Variants in XPO5 observed in about 807,000 individuals in gnomAD.
XPO5 encodes exportin 5, also known as exportin-5.
In XPO5, 46 loss-of-function variants were observed where a neutral mutation model predicts 160.6. The observed-to-expected ratio is 0.29, with a 90% confidence interval of 0.23 to 0.37. The LOEUF is 0.37. Ranked by LOEUF, XPO5 falls within the 10% of genes least tolerant of loss-of-function variation. The pLI, the probability that XPO5 is intolerant of heterozygous loss-of-function variation, is 1.00. For synonymous variants in XPO5, 537 were observed against 519.3 expected, an observed-to-expected ratio of 1.03 and a Z score of -0.46; for missense variants, 1,090 against 1,463.9, an observed-to-expected ratio of 0.74 and a Z score of 4.17.
At chr6:43,539,354 C>G in intron 20 of XPO5, 1 of 1,580,616 alleles carries the variant, frequency 6.3e-7, no homozygotes, top group Non-Finnish European at 8.6e-7. Flanking sequence ...CTGGCCAGCA[C>G]GGGTCTGCTT....
At chr6:43,536,346 C>G (rs112201187) in intron 20 of XPO5, among the ~76,000 whole-genome samples, 1 of 151,524 alleles carries the variant, frequency 6.6e-6, no homozygotes, top group Non-Finnish European at 1.5e-5. Context: ...ACCCAGGAGG[C>G]GGAAATTGCA....
chr6:43,563,946 G>T (rs1297574511), intron 8 of XPO5, among the ~76,000 whole-genome samples: 2 of 152,088 alleles, frequency 1.3e-5, no homozygotes, highest in African/African-American at 4.8e-5. Flanking sequence ...ATTTAGAGAT[G>T]GAGTCTCACT....
intron 13 of XPO5, chr6:43,553,717 G>A: frequency 1.0e-6 from 1 of 992,964 alleles, no homozygotes; most frequent in South Asian, 2.6e-5. Context: ...TTCCTACCAT[G>A]CCTCCTCCTC....
intron 13 of XPO5, 109 bp downstream of exon 13, chr6:43,555,727 T>C (rs1358091962): frequency 7.7e-7 from 1 of 1,298,744 alleles, no homozygotes; most frequent in East Asian, 2.5e-5. Flanking sequence ...TATTTTTGAA[T>C]AGTATAAGTA....
intron 14 of XPO5, among the ~76,000 whole-genome samples, chr6:43,552,649 G>C (rs765079392): frequency 3.3e-5 from 5 of 152,118 alleles, no homozygotes; most frequent in Non-Finnish European, 5.9e-5. Flanking sequence ...TACTGCGCCC[G>C]GCTTATCAGC....
At chr6:43,526,495 G>A (rs926316295) in intron 27 of XPO5, 190 bp downstream of exon 27, 2 of 618,258 alleles carry the variant, frequency 3.2e-6, no homozygotes, top group Non-Finnish European at 5.8e-6. Context: ...TGAGACAGAG[G>A]AAACAGCAAG....
At chr6:43,534,386 A>T (rs901598473) in intron 20 of XPO5, among the ~76,000 whole-genome samples, 1 of 152,198 alleles carries the variant, frequency 6.6e-6, no homozygotes, top group Non-Finnish European at 1.5e-5. Flanking sequence ...AACACAGAGG[A>T]GGTGGTAATT....
chr6:43,538,654 T>A (rs1429845086), intron 20 of XPO5, among the ~76,000 whole-genome samples: 3 of 152,200 alleles, frequency 2.0e-5, no homozygotes, highest in Non-Finnish European at 4.4e-5. Flanking sequence ...GGGATTTTCG[T>A]CTCTATGTTT....
intron 5 of XPO5, 128 bp from the exon 6 acceptor site, chr6:43,568,865 T>C (rs1414733944): frequency 2.6e-6 from 2 of 783,138 alleles, no homozygotes; most frequent in African/African-American, 1.8e-5. Flanking sequence ...TCTTGGAAAA[T>C]AACACAACTT....
At position 43,575,642 on chromosome 6, in the gene XPO5, G is replaced by C. The variant is rs75734196; in HGVS notation, c.105+118C>G. The C allele has an allele frequency of 5.2e-5, 46 of 883,474 alleles. No homozygotes were observed. In the East Asian group the frequency reaches 1.2e-3, roughly 23 times the overall value. The allele number at this position is 883,474 out of a possible 1,614,324, so 54.7% of individuals were successfully genotyped here. On this transcript the variant is annotated intron_variant, in intron 1 of 31. Coordinates refer to ENST00000265351, the MANE Select transcript of XPO5 (RefSeq NM_020750.3). ...GCGAGGGGAAGGTCCCGGGGAGTTGGGAAAGGAGGTCCAGGGGCCGCGTGG... is the reference window on the plus strand; with the variant it reads ...GCGAGGGGAAGGTCCCGGGGAGTTGCGAAAGGAGGTCCAGGGGCCGCGTGG...
chr6:43,540,746 G>C (rs1236517430), intron 20 of XPO5, among the ~76,000 whole-genome samples: 1 of 152,190 alleles, frequency 6.6e-6, no homozygotes. Context: ...CCAAAGTGCT[G>C]AGATTACAGG....
rs1762274180 is a variant in XPO5, at chr6:43,559,216, G to C, written c.1222-625C>G. Reference sequence around the variant, plus strand: ...GGAGGCTGAGGCAGGAGAATTGCTTGAACCCAGGAGGCAGAGGTTGCAGTG... The same window carrying C: ...GGAGGCTGAGGCAGGAGAATTGCTTCAACCCAGGAGGCAGAGGTTGCAGTG... On this transcript the variant is annotated intron_variant, in intron 11 of 31. Coordinates refer to ENST00000265351, the MANE Select transcript of XPO5 (RefSeq NM_020750.3). Among the ~76,000 whole-genome samples the C allele has an allele frequency of 2.0e-5, 3 of 152,188 alleles. No homozygotes were observed. The South Asian group carries it at 6.2e-4, about 31-fold the overall frequency.
At chr6:43,543,763 A>C (rs1794826893) in intron 20 of XPO5, among the ~76,000 whole-genome samples, 1 of 151,174 alleles carries the variant, frequency 6.6e-6, no homozygotes, top group Non-Finnish European at 1.5e-5. Context: ...TGCAACCTCC[A>C]CCTCCCAGGT....
chr6:43,562,593 A>C (rs1181923666), intron 8 of XPO5, among the ~76,000 whole-genome samples: 7 of 152,246 alleles, frequency 4.6e-5, no homozygotes, highest in Non-Finnish European at 1.0e-4. Flanking sequence ...AAGCAACTAT[A>C]TTAGCTGTCT....
At chr6:43,565,761 AGTCAT>A (rs1474177493) in intron 7 of XPO5, 25 bp from the exon 8 acceptor site, 6 of 1,555,598 alleles carry the variant, frequency 3.9e-6, no homozygotes, top group Non-Finnish European at 5.3e-6. Flanking sequence ...AGGGAAACAT[AGTCAT>A]ATAAACTATA....
intron 3 of XPO5, 66 bp from the exon 4 acceptor site, chr6:43,571,060 G>T (rs1368307237): frequency 6.6e-7 from 1 of 1,523,206 alleles, no homozygotes; most frequent in African/African-American, 1.4e-5. Flanking sequence ...GAAAAAAGCT[G>T]GGCTGTAGAG....
intron 20 of XPO5, 54 bp from the exon 21 acceptor site, chr6:43,534,061 G>A (rs1309608103): frequency 5.6e-6 from 8 of 1,422,400 alleles, no homozygotes; most frequent in Admixed American, 1.8e-5. Flanking sequence ...GAAGGAAAGA[G>A]TGGGTTTTGC....
intron 20 of XPO5, among the ~76,000 whole-genome samples, chr6:43,542,095 C>G (rs1794725780): frequency 6.6e-6 from 1 of 152,080 alleles, no homozygotes; most frequent in African/African-American, 2.4e-5. Flanking sequence ...TTTTAGAAAT[C>G]TAGTGTGTAT....
Position 43,530,798 on chromosome 6 carries a change from G to A in XPO5, c.2567C>T (p.Pro856Leu). The change falls in exon 23 of 32, where the codon CCT becomes CTT. Residue 856 changes from proline (P) to leucine (L), a missense_variant. Physicochemically the swap from Pro to Leu is moderately conservative, Grantham distance 98. Around this residue, in one of 3 missense-constraint regions of XPO5, gnomAD observed 810 missense variants for 1,139.0 expected, o/e 0.71. Coordinates refer to ENST00000265351, the MANE Select transcript of XPO5 (RefSeq NM_020750.3). ...NCFHILGKAG[P>L]SMQQDFYTVE... ...AGTATAGAAGTCTTGCTGCATGGAA[G>A]GGCCTGCCTTCCCTAGGATATGAAA... The A allele has an allele frequency of 1.2e-6, 2 of 1,612,892 alleles. No individual in the cohort carries two copies. The highest frequency in any genetic ancestry group is 1.7e-6 in the Non-Finnish European group (2 of 1,179,524).
Sources: allele counts gnomAD v4.1 joint callset (sites outside exome capture counted in the v4.1 genomes callset), GRCh38; gene constraint gnomAD v4.1.1; regional missense constraint gnomAD v4.1.1; transcripts MANE v1.5; gene names NCBI Gene and HGNC (gene_info 2026-07-23, HGNC 2026-07-21).